The following PAPSS2 variants were observed in gnomAD, a reference collection of about 807,000 sequenced individuals.
PAPSS2 encodes the protein bifunctional 3'-phosphoadenosine 5'-phosphosulfate synthase 2.
In PAPSS2, 61 loss-of-function variants were observed where a neutral mutation model predicts 66.5. The ratio of observed to expected loss-of-function variants is 0.92; its 90% CI spans 0.75 to 1.14. The LOEUF (loss-of-function observed/expected upper bound fraction) is 1.14, where lower values mean the gene tolerates loss of function less well. PAPSS2 is among the 50% of genes most tolerant of loss of function. PAPSS2 has a pLI of 0.00. For synonymous variants in PAPSS2, 289 were observed against 287.5 expected, an observed-to-expected ratio of 1.01 and a Z score of -0.05; for missense variants, 708 against 789.6, an observed-to-expected ratio of 0.90 and a Z score of 1.24.
At chr10:87,694,822 A>C (rs1395099156) in intron 1 of PAPSS2, among the ~76,000 whole-genome samples, 1 of 152,208 alleles carries the variant, frequency 6.6e-6, no homozygotes, top group Non-Finnish European at 1.5e-5. Flanking sequence ...TAGAGCTGGA[A>C]ATCAGTAAAG....
intron 1 of PAPSS2, among the ~76,000 whole-genome samples, chr10:87,685,502 C>T (rs1853076906): frequency 6.6e-6 from 1 of 151,888 alleles, no homozygotes; most frequent in Non-Finnish European, 1.5e-5. Context: ...TGCAACATAG[C>T]AAGACCTCAT....
intron 8 of PAPSS2, among the ~76,000 whole-genome samples, chr10:87,726,799 C>T (rs868274658): frequency 1.3e-5 from 2 of 152,094 alleles, no homozygotes; most frequent in Middle Eastern, 3.2e-3. Context: ...GTTTTCAATT[C>T]AGTGTATTGG....
chr10:87,727,590 A>T (rs1853676311), intron 9 of PAPSS2, 101 bp downstream of exon 9: 1 of 980,880 alleles, frequency 1.0e-6, no homozygotes, highest in South Asian at 1.4e-5. Context: ...AAAAACTGGG[A>T]TTAGGTGGAA....
At chr10:87,718,530 A>G (rs76834742) in intron 7 of PAPSS2, among the ~76,000 whole-genome samples, 2,891 of 152,326 alleles carry the variant, frequency 0.019, 81 homozygotes, top group African/African-American at 0.065. Context: ...CAGAAAGCCC[A>G]GTTCTTTCAA....
chr10:87,720,573 T>A (rs561131015), intron 7 of PAPSS2, among the ~76,000 whole-genome samples: 1 of 152,356 alleles, frequency 6.6e-6, no homozygotes, highest in African/African-American at 2.4e-5. Context: ...CCCACTTTTG[T>A]CTTCCTTCAA....
intron 2 of PAPSS2, among the ~76,000 whole-genome samples, chr10:87,712,065 CAA>C (rs1853468679): frequency 6.6e-6 from 1 of 152,074 alleles, no homozygotes. Flanking sequence ...ATGGAAATTA[CAA>C]AGTGTGTTCC....
chr10:87,697,929 G>C (rs1292046983), intron 1 of PAPSS2, among the ~76,000 whole-genome samples: 1 of 152,218 alleles, frequency 6.6e-6, no homozygotes, highest in African/African-American at 2.4e-5. Flanking sequence ...GAGGAGAGGG[G>C]CTTCTTTATT....
At chr10:87,729,008 T>A (rs901503116) in intron 9 of PAPSS2, among the ~76,000 whole-genome samples, 1 of 152,144 alleles carries the variant, frequency 6.6e-6, no homozygotes, top group African/African-American at 2.4e-5. Flanking sequence ...GGAGTCTTGC[T>A]CTGTCATAAT....
chr10:87,699,034 GT>G (rs1317975486), intron 1 of PAPSS2, among the ~76,000 whole-genome samples: 2 of 152,214 alleles, frequency 1.3e-5, no homozygotes, highest in African/African-American at 4.8e-5. Flanking sequence ...CTGTTCAGCT[GT>G]TTAGATAACT....
chr10:87,668,658 ATGTGTGTGTGTGTGTGTGTGTG>A (rs58768390), intron 1 of PAPSS2, among the ~76,000 whole-genome samples: 1 of 149,152 alleles, frequency 6.7e-6, no homozygotes, highest in African/African-American at 2.5e-5. Flanking sequence ...TACTTTAAAA[ATGTGTGTGTGTGTGTGTGTGTG>A]TGTGTGTGTG....
rs530880654 is a variant in PAPSS2 at position 87,746,683 on chromosome 10, T to C, written c.*713T>C. 3 of 152,350 alleles carry C rather than the reference T, an allele frequency of 2.0e-5. No individual in the cohort carries two copies. Among genetic ancestry groups the C allele is most frequent in the African/African-American group, 7.2e-5 (3 of 41,588 alleles). 9.4% of individuals were successfully genotyped at this position (152,350 alleles called of 1,614,324 possible). ...AGTTACACGGTGACTTTTAATAGCA[T>C]ACAGTGATTTGATGAAAGGACGTCA... On this transcript the variant is annotated 3_prime_UTR_variant, in exon 13 of 13. Coordinates refer to ENST00000456849, the MANE Select transcript of PAPSS2 (RefSeq NM_001015880.2).
chr10:87,737,060 A>G (rs1303282267), intron 9 of PAPSS2, among the ~76,000 whole-genome samples: 2 of 152,164 alleles, frequency 1.3e-5, no homozygotes, highest in African/African-American at 4.8e-5. Context: ...GCAAGCTCAG[A>G]GTTGATTGGG....
chr10:87,741,204 T>G (rs1274877641), intron 9 of PAPSS2, 31 bp from the exon 10 acceptor site: 2 of 1,610,122 alleles, frequency 1.2e-6, no homozygotes, highest in Admixed American at 1.7e-5. Flanking sequence ...TCACAATTAA[T>G]CATTAGCAAT....
chr10:87,715,769 G>A lies in PAPSS2; in HGVS notation c.791G>A (p.Trp264Ter), dbSNP rs1853524579. 6.2e-7 allele frequency: 1 copy of A among 1,613,516 alleles called. No homozygotes were observed. The highest frequency in any genetic ancestry group is 1.7e-5 in the Admixed American group (1 of 59,980). Residue 264 changes from tryptophan to a stop codon, truncating the protein, a stop_gained, in exon 7 of 13, where the codon TGG (tryptophan) becomes TAG (stop). Coordinates refer to ENST00000456849, the MANE Select transcript of PAPSS2 (RefSeq NM_001015880.2). LOFTEE classifies it high-confidence loss of function. ...TGGGTCCAGGTTTTGAGCGAAGGCT[G>A]GGCCACTCCCCTCAAAGGTTTCATG... Reference protein sequence around the residue: ...LQWVQVLSEGWATPLKGFMRE... With the variant: ...LQWVQVLSEG
At chr10:87,679,546 TGTAA>T (rs1160464955) in intron 1 of PAPSS2, among the ~76,000 whole-genome samples, 2 of 152,182 alleles carry the variant, frequency 1.3e-5, no homozygotes, top group South Asian at 2.1e-4. Flanking sequence ...ACATGCACCC[TGTAA>T]GTATGTAAAA....
In PAPSS2 at chr10:87,743,639, G is replaced by A. The variant is rs886044290; in HGVS notation, c.1489G>A (p.Glu497Lys). 5 of 1,614,190 alleles carry A rather than the reference G, an allele frequency of 3.1e-6. No individual in the cohort carries two copies. Among genetic ancestry groups the A allele is most frequent in the Non-Finnish European group, 4.2e-6 (5 of 1,180,028 alleles). Residue 497 changes from glutamate (E) to lysine (K), a missense_variant and splice_region_variant, in exon 11 of 13, where the codon GAG (glutamate) becomes AAG (lysine). By Grantham distance (56) the Glu-to-Lys change is moderately conservative. Coordinates refer to ENST00000456849, the MANE Select transcript of PAPSS2 (RefSeq NM_001015880.2). ...TCCCATGTTATATGCTGGCCCCACA[G>A]AGGTGAGCAATTCCCAGAGCTGGGC... ...PSPMLYAGPTEVQWHCRSRMI... is the reference protein window; with the variant it reads ...PSPMLYAGPTKVQWHCRSRMI...
chr10:87,727,235 T>C (rs754348801), intron 8 of PAPSS2, 49 bp from the exon 9 acceptor site: 60 of 1,479,260 alleles, frequency 4.1e-5, no homozygotes. Context: ...GCTTCAAGGA[T>C]GGCACACCTT....
intron 9 of PAPSS2, among the ~76,000 whole-genome samples, chr10:87,728,556 A>G (rs1183288638): frequency 6.6e-6 from 1 of 152,144 alleles, no homozygotes; most frequent in African/African-American, 2.4e-5. Flanking sequence ...CCTGGCCAAC[A>G]TGGTGAAACC....
At chr10:87,715,232 C>T in intron 6 of PAPSS2, 134 bp downstream of exon 6, 1 of 682,598 alleles carries the variant, frequency 1.5e-6, no homozygotes, top group Non-Finnish European at 2.7e-6. Flanking sequence ...TCCTTTTTTT[C>T]CAAGTTATTT....
Sources: gnomAD v4.1 joint callset for allele counts (sites outside exome capture counted in the v4.1 genomes callset) on GRCh38, gnomAD v4.1.1 for gene constraint, MANE v1.5 for transcripts, NCBI Gene and HGNC (gene_info 2026-07-23, HGNC 2026-07-21) for gene names.